Variants in TUBA1C observed in about 807,000 individuals in gnomAD.
The protein encoded by TUBA1C is tubulin alpha-1C chain.
TUBA1C carries 16 observed loss-of-function variants against 34.9 expected under a neutral mutation model. That is an observed-to-expected ratio of 0.46 (90% CI 0.31 to 0.70). TUBA1C has a LOEUF of 0.70. Ranked by LOEUF, TUBA1C falls within the 30% of genes least tolerant of loss-of-function variation. The pLI, the probability that TUBA1C is intolerant of heterozygous loss-of-function variation, is 0.05. For missense variants in TUBA1C, 329 were observed against 587.3 expected (o/e 0.56, Z 4.55); for synonymous variants, 177 against 215.9 (o/e 0.82, Z 1.58).
chr12:49,262,422 AG>A (rs1942850224), upstream of TUBA1C, among the ~76,000 whole-genome samples: 3 of 140,102 alleles, frequency 2.1e-5, no homozygotes, highest in East Asian at 2.4e-4. Flanking sequence ...AAAAAAAAAA[AG>A]TTTTATAGCA....
upstream of TUBA1C, among the ~76,000 whole-genome samples, chr12:49,263,752 G>A (rs1212260841): frequency 1.3e-5 from 2 of 152,176 alleles, no homozygotes; most frequent in Non-Finnish European, 2.9e-5. Context: ...AGAAATAAAA[G>A]GCGCTTCTGA....
chr12:49,269,396 G>A (rs1942957629), intron 1 of TUBA1C, 69 bp from the exon 2 acceptor site: 1 of 1,604,360 alleles, frequency 6.2e-7, no homozygotes, highest in Non-Finnish European at 8.5e-7. Context: ...CAGTCATTAG[G>A]TGTGAATCAT....
chr12:49,232,376 A>G (rs1441761012), intron 1 of TUBA1C, among the ~76,000 whole-genome samples: 15 of 152,138 alleles, frequency 9.9e-5, no homozygotes, highest in Admixed American at 8.5e-4. Context: ...CCTGCCCAAC[A>G]TGAAATTCCA....
intron 1 of TUBA1C, chr12:49,256,334 G>A (rs991023794): frequency 1.9e-5 from 8 of 420,810 alleles, no homozygotes; most frequent in Admixed American, 1.5e-4. Flanking sequence ...AAAGAACAGC[G>A]TGAATTTAAA....
intron 1 of TUBA1C, among the ~76,000 whole-genome samples, chr12:49,243,799 G>A (rs1942641674): frequency 6.6e-6 from 1 of 151,926 alleles, no homozygotes; most frequent in Admixed American, 6.6e-5. Context: ...TTAAGGAAAG[G>A]GTACATTTGG....
chr12:49,263,315 C>G (rs373355347), upstream of TUBA1C, among the ~76,000 whole-genome samples: 81 of 152,202 alleles, frequency 5.3e-4, no homozygotes, highest in African/African-American at 1.6e-3. Context: ...TGCGCCAGGC[C>G]TGTTGGTTGT....
rs188605921 is a variant in TUBA1C, at chr12:49,273,125, C to G, written c.1248C>G (p.Gly416=). The change falls in exon 4 of 4, where the codon GGC becomes GGG. Residue 416 remains glycine, a synonymous_variant. Coordinates refer to ENST00000301072, the MANE Select transcript of TUBA1C (RefSeq NM_032704.5). ...ACGTGGGTGAGGGGATGGAGGAAGG[C>G]GAGTTTTCAGAGGCCCGTGAGGACA... ...HWYVGEGMEE[G]EFSEAREDMA... 5.0e-5 allele frequency: 81 copies of G among 1,613,968 alleles called. No individual in the cohort carries two copies. The highest frequency in any genetic ancestry group is 6.6e-5 in the Non-Finnish European group (78 of 1,180,020).
Position 49,274,195 on chromosome 12 carries a change from C to A in TUBA1C, c.*968C>A, listed in dbSNP as rs1181800654. 1 of 152,064 alleles carries A rather than the reference C, an allele frequency of 6.6e-6. No individual in the cohort carries two copies. Among genetic ancestry groups the A allele is most frequent in the African/African-American group, 2.4e-5 (1 of 41,300 alleles). The allele number at this position is 152,064 out of a possible 1,614,324, so 9.4% of individuals were successfully genotyped here. A position where few individuals can be genotyped will look rare whatever the true frequency, so the allele number is the denominator to read the frequency against. ...ATGGCACCATCATAGCTCACCCCCACCTTGACCTGGGCTAAGCCATCCTCC... is the reference window on the plus strand; with the variant it reads ...ATGGCACCATCATAGCTCACCCCCAACTTGACCTGGGCTAAGCCATCCTCC... On this transcript the variant is annotated 3_prime_UTR_variant, in exon 4 of 4. Transcript: ENST00000301072.
chr12:49,234,520 C>G (rs911077588), intron 1 of TUBA1C, among the ~76,000 whole-genome samples: 1 of 152,228 alleles, frequency 6.6e-6, no homozygotes, highest in East Asian at 1.9e-4. Context: ...ACGTGCAGCG[C>G]CAGGGCCTGG....
At chr12:49,270,274 G>C (rs1372665198) in intron 3 of TUBA1C, 7 of 508,626 alleles carry the variant, frequency 1.4e-5, no homozygotes, top group African/African-American at 7.7e-5. Flanking sequence ...TAATTGATCA[G>C]AGTCATTTTT....
chr12:49,229,170 C>A (rs75694287), intron 1 of TUBA1C, among the ~76,000 whole-genome samples: 2,616 of 152,138 alleles, frequency 0.017, 35 homozygotes, highest in Non-Finnish European at 0.024. Flanking sequence ...ATGTTGCGAA[C>A]CTTTATCTTT....
At chr12:49,251,774 TAA>T (rs74892388) in intron 1 of TUBA1C, among the ~76,000 whole-genome samples, 67 of 133,390 alleles carry the variant, frequency 5.0e-4, no homozygotes, top group Admixed American at 6.9e-4. Flanking sequence ...ACTCGGTATT[TAA>T]AAAAAAAAAA....
At position 49,273,213 on chromosome 12, in the gene TUBA1C, G is replaced by A. The variant is rs1249507003; in HGVS notation, c.1336G>A (p.Gly446Ser). Residue 446 changes from glycine (G) to serine (S), a missense_variant, in exon 4 of 4, where the codon GGT becomes AGT. This residue lies in a region of TUBA1C where 34 missense variants were observed against 31.8 expected (regional missense o/e 1.07). Coordinates refer to ENST00000301072, the MANE Select transcript of TUBA1C (RefSeq NM_032704.5). Reference protein sequence around the residue: ...GADSADGEDEGEEY With the variant: ...GADSADGEDESEEY ...AGATAGTGCTGACGGAGAGGATGAG[G>A]GTGAAGAGTATTAACCTGTGTGCTG... 3 of 1,614,168 alleles carry A rather than the reference G, an allele frequency of 1.9e-6. No homozygotes were observed. The highest frequency in any genetic ancestry group is 2.2e-5 in the South Asian group (2 of 91,084).
At position 49,272,441 on chromosome 12, in the gene TUBA1C, C is replaced by T; in HGVS notation, c.564C>T (p.Ile188=). 6.2e-7 allele frequency: 1 copy of T among 1,613,424 alleles called. No homozygotes were observed. Among genetic ancestry groups the T allele is most frequent in the Non-Finnish European group, 8.5e-7 (1 of 1,179,990 alleles). ...STAVVEPYNS[I]LTTHTTLEHS... is the part of the protein sequence containing the mutation. ...CTGTAGTTGAGCCCTACAACTCCATCCTCACCACCCACACCACCCTGGAGC... is the reference window on the plus strand; with the variant it reads ...CTGTAGTTGAGCCCTACAACTCCATTCTCACCACCCACACCACCCTGGAGC... Residue 188 remains isoleucine, a synonymous_variant, in exon 4 of 4, where the codon ATC becomes ATT. Coordinates refer to ENST00000301072, the MANE Select transcript of TUBA1C (RefSeq NM_032704.5).
chr12:49,228,415 T>G (rs143970197), intron 1 of TUBA1C, among the ~76,000 whole-genome samples: 2 of 152,358 alleles, frequency 1.3e-5, no homozygotes, highest in Non-Finnish European at 2.9e-5. Flanking sequence ...TATTTTCAGA[T>G]GCAAAACACA....
At chr12:49,255,467 G>A (rs1306333160) in intron 1 of TUBA1C, among the ~76,000 whole-genome samples, 1 of 150,494 alleles carries the variant, frequency 6.6e-6, no homozygotes, top group Admixed American at 6.6e-5. Flanking sequence ...TGCTCAGGCT[G>A]GTCTCAAACC....
At chr12:49,248,575 A>C (rs1942698839) in intron 1 of TUBA1C, among the ~76,000 whole-genome samples, 1 of 150,652 alleles carries the variant, frequency 6.6e-6, no homozygotes, top group African/African-American at 2.4e-5. Flanking sequence ...AAAAAAAAAA[A>C]GAAAAGGGCC....
chr12:49,246,693 A>C (rs1942673119), intron 1 of TUBA1C, among the ~76,000 whole-genome samples: 1 of 152,096 alleles, frequency 6.6e-6, no homozygotes, highest in South Asian at 2.1e-4. Context: ...AATGGCCTGA[A>C]CTTTGAATTG....
At chr12:49,264,843 C>CCTTCCTCCT (rs1565647727), upstream of TUBA1C, 1 of 170,188 alleles carries the variant, frequency 5.9e-6, no homozygotes, top group Non-Finnish European at 1.1e-5. Context: ...CCCTTCCTCC[C>CCTTCCTCCT]CTTCCTCCCC....
Sources: allele counts gnomAD v4.1 joint callset (sites outside exome capture counted in the v4.1 genomes callset), GRCh38; gene constraint gnomAD v4.1.1; regional missense constraint gnomAD v4.1.1; transcripts MANE v1.5; gene names NCBI Gene and HGNC (gene_info 2026-07-23, HGNC 2026-07-21).